LAMA3: variants seen among roughly 807,000 people sequenced by gnomAD.
LAMA3 encodes laminin subunit alpha-3.
Under a neutral mutation model 402.0 loss-of-function variants are expected in LAMA3, and 281 were observed. The observed-to-expected ratio is 0.70, with a 90% CI of 0.63 to 0.77. The LOEUF is 0.77. Among genes scored for constraint, LAMA3 ranks in the 30% least tolerant of loss-of-function variants. The probability of loss-of-function intolerance (pLI) is 0.00; values close to 1 mark genes in which losing one functional copy is unlikely to be tolerated. For missense variants in LAMA3, 3,840 were observed against 4,215.5 expected (o/e 0.91, Z 2.47); for synonymous variants, 1,431 against 1,558.4 (o/e 0.92, Z 1.93).
At chr18:23,878,230 A>G (rs1303177785) in intron 39 of LAMA3, among the ~76,000 whole-genome samples, 1 of 152,252 alleles carries the variant, frequency 6.6e-6, no homozygotes, top group Admixed American at 6.5e-5. Context: ...GTAGTCACCC[A>G]CTGAAAGGAA....
At chr18:23,802,638 T>C (rs555010699) in intron 12 of LAMA3, among the ~76,000 whole-genome samples, 1 of 152,328 alleles carries the variant, frequency 6.6e-6, no homozygotes, top group South Asian at 2.1e-4. Flanking sequence ...AATAGAATGA[T>C]CGTCACGTCT....
Position 23,950,161 on chromosome 18 carries a change from T to C in LAMA3, c.9642+2T>C. The C allele has an allele frequency of 6.2e-7, 1 of 1,613,922 alleles. No individual in the cohort carries two copies. The highest frequency in any genetic ancestry group is 8.5e-7 in the Non-Finnish European group (1 of 1,179,944). On this transcript the variant is annotated splice_donor_variant, in intron 72 of 74. Transcript: ENST00000313654. LOFTEE classifies it high-confidence loss of function. ...TGTGTTTACCTGGAGGCAGGAAAGGTGTGTAGCAGTCTGATGCCATGGGGA... is the reference window on the plus strand; with the variant it reads ...TGTGTTTACCTGGAGGCAGGAAAGGCGTGTAGCAGTCTGATGCCATGGGGA...
In LAMA3 at chr18:23,842,540, G is replaced by T; in HGVS notation, c.3463+19G>T. The T allele has an allele frequency of 6.2e-7, 1 of 1,614,218 alleles. No individual in the cohort carries two copies. The highest frequency in any genetic ancestry group is 8.5e-7 in the Non-Finnish European group (1 of 1,180,050). On this transcript the variant is annotated intron_variant, in intron 28 of 74. Coordinates refer to ENST00000313654, the MANE Select transcript of LAMA3 (RefSeq NM_198129.4). ...CGGGCAGGTGAGCTGCAGTGAGCAG[G>T]CCCTGCTGCCTGCCTCAGGCTGAAT...
intron 25 of LAMA3, among the ~76,000 whole-genome samples, chr18:23,837,813 C>A (rs1236424081): frequency 1.3e-5 from 2 of 151,920 alleles, no homozygotes; most frequent in African/African-American, 4.8e-5. Flanking sequence ...ATGCATCACA[C>A]CCTGGGAAAT....
At chr18:23,705,718 A>G (rs993276242) in intron 1 of LAMA3, among the ~76,000 whole-genome samples, 1 of 152,042 alleles carries the variant, frequency 6.6e-6, no homozygotes, top group Non-Finnish European at 1.5e-5. Context: ...GGGTTTCACC[A>G]TGTTGCCCAG....
At chr18:23,928,073 C>T (rs377482112) in intron 62 of LAMA3, 50 bp from the exon 63 acceptor site, 23 of 1,293,980 alleles carry the variant, frequency 1.8e-5, no homozygotes, top group Middle Eastern at 3.7e-4. Flanking sequence ...TCTGATTTCA[C>T]GTGAGCCTGA....
chr18:23,884,050 GTGTGTGTGTGTGTGTGT>G (rs2144943047), intron 40 of LAMA3, among the ~76,000 whole-genome samples: 1 of 1,840 alleles, frequency 5.4e-4, no homozygotes, highest in Admixed American at 8.1e-3. Flanking sequence ...TCTCTTTGGT[GTGTGTGTGTGTGTGTGT>G]GTGTGTGTGT....
At chr18:23,703,554 A>G (rs997057285) in intron 1 of LAMA3, among the ~76,000 whole-genome samples, 16 of 152,204 alleles carry the variant, frequency 1.1e-4, no homozygotes, top group African/African-American at 3.9e-4. Context: ...GCTTCTTTTT[A>G]AAAAGGGGTG....
chr18:23,747,825 T>C (rs2061677701), intron 2 of LAMA3, 118 bp from the exon 3 acceptor site: 3 of 739,118 alleles, frequency 4.1e-6, no homozygotes. Context: ...AGGATCGGGA[T>C]CTTGAGCAAG....
At chr18:23,952,066 CGTT>C (rs2082937050) in intron 73 of LAMA3, among the ~76,000 whole-genome samples, 1 of 152,172 alleles carries the variant, frequency 6.6e-6, no homozygotes, top group African/African-American at 2.4e-5. Flanking sequence ...GATAGTATAA[CGTT>C]GTGATTTAGA....
chr18:23,826,769 C>G lies in LAMA3; in HGVS notation c.2639C>G (p.Pro880Arg), dbSNP rs1427676483. ...ASVLQLPVTE[P>R]CAYAGPPQEN... ...GTACTGCAGCTGCCAGTCACAGAAC[C>G]ATGTGCCTACGCAGGACCTCCCCAA... Residue 880 changes from proline to arginine, a missense_variant, in exon 22 of 75, where the codon CCA (proline) becomes CGA (arginine). Transcript: ENST00000313654. 1 of 1,566,244 alleles carries G rather than the reference C, an allele frequency of 6.4e-7. No homozygotes were observed. Among genetic ancestry groups the G allele is most frequent in the Non-Finnish European group, 8.7e-7 (1 of 1,153,658 alleles).
intron 11 of LAMA3, among the ~76,000 whole-genome samples, chr18:23,782,727 G>C (rs1187850526): frequency 6.6e-6 from 1 of 151,322 alleles, no homozygotes; most frequent in Admixed American, 6.6e-5. Flanking sequence ...GGCAGTTCTG[G>C]GTTCAAATTC....
At chr18:23,884,931 C>A in intron 41 of LAMA3, 78 bp downstream of exon 41, 1 of 1,092,080 alleles carries the variant, frequency 9.2e-7, no homozygotes, top group Non-Finnish European at 1.3e-6. Context: ...GGTGCTGGCA[C>A]AGAGCTAGGG....
chr18:23,921,395 G>A lies in LAMA3; in HGVS notation c.8044-57G>A. 1.9e-6 allele frequency: 3 copies of A among 1,583,328 alleles called. No individual in the cohort carries two copies. The South Asian group carries it at 3.4e-5, about 18-fold the overall frequency. On this transcript the variant is annotated intron_variant, in intron 61 of 74. Transcript: ENST00000313654. The stretch of plus-strand genomic sequence containing the variant: ...AAAAACATGATAGTTCTGAACCCCT[G>A]TGAATAGGATTCTCTTATTTTCGCT...
At chr18:23,809,502 T>C (rs1397333003) in intron 12 of LAMA3, among the ~76,000 whole-genome samples, 1 of 152,230 alleles carries the variant, frequency 6.6e-6, no homozygotes, top group East Asian at 1.9e-4. Context: ...TCAATTCCAC[T>C]GCTCATCCCT....
chr18:23,733,532 C>T (rs1043003911), intron 2 of LAMA3, among the ~76,000 whole-genome samples: 8 of 152,162 alleles, frequency 5.3e-5, no homozygotes, highest in African/African-American at 1.9e-4. Context: ...CAATTATCTT[C>T]CACCAGGTCC....
chr18:23,746,658 T>G (rs2061656152), intron 2 of LAMA3, among the ~76,000 whole-genome samples: 1 of 152,168 alleles, frequency 6.6e-6, no homozygotes, highest in South Asian at 2.1e-4. Flanking sequence ...GTTTGTTATA[T>G]TAAATGAATT....
At chr18:23,905,382 T>C (rs2081208357) in intron 51 of LAMA3, 140 bp from the exon 52 acceptor site, 4 of 597,746 alleles carry the variant, frequency 6.7e-6, no homozygotes, top group South Asian at 6.6e-5. Context: ...CTAACTCTTT[T>C]AGGGAACAAT....
rs576088890 is a variant in LAMA3, at chr18:23,836,847, A to G, written c.2985-134A>G. ...GAGCTGCATCCTTCTTCAACTCATC[A>G]TGCAGGAAAATTCACTATAATTCAT... is the stretch of plus-strand genomic sequence containing the variant. On this transcript the variant is annotated intron_variant, in intron 24 of 74. Transcript: ENST00000313654. The G allele has an allele frequency of 1.7e-4, 120 of 707,576 alleles. No homozygotes were observed. In the African/African-American group the frequency reaches 1.8e-3, roughly 11 times the overall value. 43.8% of individuals were successfully genotyped at this position (707,576 alleles called of 1,614,324 possible).
Sources: allele counts gnomAD v4.1 joint callset (sites outside exome capture counted in the v4.1 genomes callset), GRCh38; gene constraint gnomAD v4.1.1; transcripts MANE v1.5; gene names NCBI Gene and HGNC (gene_info 2026-07-23, HGNC 2026-07-21).